Variants in CCSER2 observed in about 807,000 individuals in gnomAD.
CCSER2 encodes serine-rich coiled-coil domain-containing protein 2.
A neutral mutation model predicts 92.3 loss-of-function variants in CCSER2; 46 were observed. The ratio of observed to expected loss-of-function variants is 0.50; its 90% CI spans 0.39 to 0.64. CCSER2 has a LOEUF of 0.64. Ranked by LOEUF, CCSER2 falls within the 30% of genes least tolerant of loss-of-function variation. CCSER2 has a pLI of 0.00. For synonymous variants in CCSER2, 433 were observed against 431.4 expected, an observed-to-expected ratio of 1.00 and a Z score of -0.04; for missense variants, 1,244 against 1,238.9, an observed-to-expected ratio of 1.00 and a Z score of -0.06.
In CCSER2 at chr10:84,347,499, T is replaced by C. The variant is rs1436994448; in HGVS notation, c.-40+18691T>C. Among the ~76,000 whole-genome samples, 6 of 100,670 alleles carry C rather than the reference T, an allele frequency of 6.0e-5. No individual in the cohort carries two copies. The South Asian group carries it at 1.8e-3, about 31-fold the overall frequency. The allele number at this position is 100,670 out of a possible 152,430, so 66.0% of individuals were successfully genotyped here. A position where few individuals can be genotyped will look rare whatever the true frequency, so the allele number is the denominator to read the frequency against. Reference sequence around the variant, plus strand: ...CTCCCGGACTGGGTGGCTGGCCGGGTGGGGGCTGACCCCCCACCTCCCTCC... The same window carrying C: ...CTCCCGGACTGGGTGGCTGGCCGGGCGGGGGCTGACCCCCCACCTCCCTCC... On this transcript the variant is annotated intron_variant, in intron 1 of 9. Coordinates refer to ENST00000372088, the MANE Select transcript of CCSER2 (RefSeq NM_001284240.2).
intron 6 of CCSER2, among the ~76,000 whole-genome samples, chr10:84,462,187 A>G (rs1846138766): frequency 6.6e-6 from 1 of 152,230 alleles, no homozygotes; most frequent in South Asian, 2.1e-4. Context: ...CAACAGCTTT[A>G]TGGAGCTACT....
chr10:84,330,371 A>G (rs1464517499), intron 1 of CCSER2, among the ~76,000 whole-genome samples: 1 of 152,200 alleles, frequency 6.6e-6, no homozygotes, highest in Non-Finnish European at 1.5e-5. Context: ...TTGCCCTTGA[A>G]GACCTTACGA....
In CCSER2 at chr10:84,372,440, C is replaced by T; in HGVS notation, c.1388C>T (p.Thr463Ile). ...GAAAATGAAAAAGCCTTCAGTAAAA[C>T]TGATGAATGGATAGATATAAGTGTC... Reference protein sequence around the residue: ...PKENEKAFSKTDEWIDISVSD... With the variant: ...PKENEKAFSKIDEWIDISVSD... Residue 463 changes from threonine to isoleucine, a missense_variant, in exon 2 of 10, where the codon ACT becomes ATT. Coordinates refer to ENST00000372088, the MANE Select transcript of CCSER2 (RefSeq NM_001284240.2). The T allele has an allele frequency of 6.3e-7, 1 of 1,578,532 alleles. No individual in the cohort carries two copies. Among genetic ancestry groups the T allele is most frequent in the East Asian group, 2.2e-5 (1 of 44,674 alleles).
rs1844326784 is a variant in CCSER2, at chr10:84,438,541, G to T, written c.1898G>T (p.Gly633Val). Residue 633 changes from glycine to valine, a missense_variant, in exon 6 of 10, where the codon GGT becomes GTT. Transcript: ENST00000372088. ...RGSPYRESPL[G>V]HFESYGGMPF... ...TCTCCCTATAGAGAATCTCCTTTGG[G>T]TCATTTTGAAAGCTATGGAGGGATG... 3 of 1,611,604 alleles carry T rather than the reference G, an allele frequency of 1.9e-6. No individual in the cohort carries two copies. Among genetic ancestry groups the T allele is most frequent in the Non-Finnish European group, 2.5e-6 (3 of 1,178,704 alleles).
chr10:84,425,648 C>T (rs572169195), intron 4 of CCSER2, 83 bp from the exon 5 acceptor site: 4 of 857,456 alleles, frequency 4.7e-6, no homozygotes, highest in East Asian at 6.0e-5. Context: ...ATTTGATTTA[C>T]AGCATTTAAT....
intron 9 of CCSER2, among the ~76,000 whole-genome samples, chr10:84,508,813 A>G (rs1849200766): frequency 1.3e-5 from 2 of 152,220 alleles, no homozygotes; most frequent in Admixed American, 1.3e-4. Flanking sequence ...CCCAGTTACA[A>G]AATAGCTATG....
chr10:84,387,502 T>C (rs1198630974), intron 3 of CCSER2, among the ~76,000 whole-genome samples: 2 of 152,182 alleles, frequency 1.3e-5, no homozygotes, highest in Admixed American at 1.3e-4. Flanking sequence ...TACTTTGTAT[T>C]GATCTTCATA....
intron 6 of CCSER2, chr10:84,455,705 A>G (rs1471060061): frequency 4.6e-5 from 36 of 779,826 alleles, no homozygotes; most frequent in Admixed American, 8.7e-5. Flanking sequence ...TAGATTCTTT[A>G]CCAAAAGATC....
intron 1 of CCSER2, among the ~76,000 whole-genome samples, chr10:84,348,416 C>T (rs1030604273): frequency 3.9e-5 from 6 of 151,934 alleles, no homozygotes; most frequent in Admixed American, 6.6e-5. Context: ...AGTCCAGCTT[C>T]GGCTCGGCAT....
chr10:84,401,512 C>T (rs1399239286), intron 3 of CCSER2, among the ~76,000 whole-genome samples: 2 of 152,062 alleles, frequency 1.3e-5, no homozygotes, highest in Non-Finnish European at 2.9e-5. Context: ...ATTTGAATAG[C>T]CCTATAACCA....
chr10:84,410,008 G>A (rs752258512), intron 3 of CCSER2, among the ~76,000 whole-genome samples: 3 of 152,050 alleles, frequency 2.0e-5, no homozygotes, highest in Non-Finnish European at 4.4e-5. Flanking sequence ...AAGTGAGAAC[G>A]TGCGGTCTTT....
intron 3 of CCSER2, among the ~76,000 whole-genome samples, chr10:84,401,298 A>G (rs1327903697): frequency 3.3e-5 from 5 of 152,242 alleles, no homozygotes; most frequent in African/African-American, 1.2e-4. Flanking sequence ...AATAAAATTG[A>G]TAAACATTTA....
intron 6 of CCSER2, chr10:84,456,085 G>C (rs955437638): frequency 5.2e-5 from 21 of 401,540 alleles, no homozygotes; most frequent in Non-Finnish European, 9.8e-5. Context: ...AAAGACCCGA[G>C]CTGCAGCCAC....
intron 5 of CCSER2, among the ~76,000 whole-genome samples, chr10:84,436,485 A>G (rs538425781): frequency 8.9e-4 from 135 of 151,574 alleles, no homozygotes; most frequent in African/African-American, 3.2e-3. Flanking sequence ...AATACAAAAA[A>G]TTAGCCCGGC....
In CCSER2 at chr10:84,372,181, A is replaced by G. The variant is rs1029297100; in HGVS notation, c.1129A>G (p.Asn377Asp). The G allele has an allele frequency of 1.9e-6, 3 of 1,613,510 alleles. No individual in the cohort carries two copies. In the African/African-American group the frequency reaches 4.0e-5, roughly 22 times the overall value. Residue 377 changes from asparagine to aspartate, a missense_variant, in exon 2 of 10, where the codon AAC becomes GAC. Coordinates refer to ENST00000372088, the MANE Select transcript of CCSER2 (RefSeq NM_001284240.2). ...TGAAAATGAAAGTTATAGAACAAAA[A>G]ACAACCAGACCATGAAACATGATGC... is the stretch of plus-strand genomic sequence containing the variant. ...LIENESYRTK[N>D]NQTMKHDAKM... is the part of the protein sequence containing the mutation.
chr10:84,473,824 A>G (rs1846965788), intron 8 of CCSER2, among the ~76,000 whole-genome samples: 1 of 152,138 alleles, frequency 6.6e-6, no homozygotes, highest in African/African-American at 2.4e-5. Flanking sequence ...ACCTCTCTCT[A>G]GTGCTTTCTT....
intron 3 of CCSER2, among the ~76,000 whole-genome samples, chr10:84,405,936 A>G (rs1474186016): frequency 3.3e-5 from 5 of 152,140 alleles, no homozygotes; most frequent in African/African-American, 1.2e-4. Context: ...TAGCAGTCCT[A>G]CTCCTGGGTA....
intron 1 of CCSER2, among the ~76,000 whole-genome samples, chr10:84,341,108 AT>A (rs1479782637): frequency 5.4e-5 from 7 of 129,104 alleles, no homozygotes. Context: ...TGGCTTGATT[AT>A]AGGTCACTGT....
intron 3 of CCSER2, among the ~76,000 whole-genome samples, chr10:84,403,943 G>C (rs1842248006): frequency 1.3e-5 from 2 of 152,176 alleles, no homozygotes; most frequent in African/African-American, 4.8e-5. Flanking sequence ...TCTTTGTTCA[G>C]ATTATGGAAA....
Sources: allele counts gnomAD v4.1 joint callset (sites outside exome capture counted in the v4.1 genomes callset), GRCh38; gene constraint gnomAD v4.1.1; transcripts MANE v1.5; gene names NCBI Gene and HGNC (gene_info 2026-07-23, HGNC 2026-07-21).